The following SLC2A14 variants were observed in gnomAD, a reference collection of about 807,000 sequenced individuals.
The protein encoded by SLC2A14 is solute carrier family 2, facilitated glucose transporter member 14.
Under a neutral mutation model 43.0 loss-of-function variants are expected in SLC2A14, and 13 were observed. The ratio of observed to expected loss-of-function variants is 0.30; its 90% CI spans 0.20 to 0.48. The LOEUF (loss-of-function observed/expected upper bound fraction) is 0.48, where lower values mean the gene tolerates loss of function less well. SLC2A14 is among the 20% of genes least tolerant of loss of function. The pLI is 0.99. For missense variants in SLC2A14, 428 were observed against 620.4 expected (o/e 0.69, Z 3.29); for synonymous variants, 190 against 233.8 (o/e 0.81, Z 1.71).
At chr12:7,822,000 A>G (rs1037142729) in intron 7 of SLC2A14, among the ~76,000 whole-genome samples, 4 of 150,366 alleles carry the variant, frequency 2.7e-5, no homozygotes, top group Non-Finnish European at 4.4e-5. Context: ...AATTTTTTGT[A>G]TTTTTAGTAG....
intron 1 of SLC2A14, among the ~76,000 whole-genome samples, chr12:7,882,986 G>A (rs1459297680): frequency 2.0e-5 from 3 of 151,984 alleles, no homozygotes; most frequent in South Asian, 4.2e-4. Context: ...CAAGGTGGGC[G>A]GATCACAAGG....
intron 2 of SLC2A14, among the ~76,000 whole-genome samples, chr12:7,854,053 CCA>C (rs1867153019): frequency 6.6e-6 from 1 of 151,978 alleles, no homozygotes; most frequent in African/African-American, 2.4e-5. Context: ...CCCCTGACTT[CCA>C]GAGTCAATAT....
intron 2 of SLC2A14, 139 bp downstream of exon 2, chr12:7,869,724 G>A (rs1565577737): frequency 1.5e-5 from 8 of 545,314 alleles, no homozygotes; most frequent in Middle Eastern, 4.8e-4. Flanking sequence ...TCTGTTGGCT[G>A]TAACAGTCTC....
At chr12:7,826,861 T>TCTTTTTTC (rs1555121667) in intron 7 of SLC2A14, among the ~76,000 whole-genome samples, 25 of 60,294 alleles carry the variant, frequency 4.1e-4, no homozygotes, top group South Asian at 3.8e-3. Context: ...TTCCTTTCTT[T>TCTTTTTTC]TTTCTTTCTT....
At position 7,878,500 on chromosome 12, in the gene SLC2A14, C is replaced by T. The variant is rs536108159; in HGVS notation, c.132+12496G>A. Among the ~76,000 whole-genome samples, 63 of 151,588 alleles carry T rather than the reference C, an allele frequency of 4.2e-4. 1 individual carries two copies. In the South Asian group the frequency reaches 0.013, roughly 30 times the overall value. ...TCTTGAACTCCTAACGTCAAGAGAT[C>T]TACCCACCTAGGCCTCCCAAACCGC... On this transcript the variant is annotated intron_variant, in intron 1 of 9. Transcript: ENST00000539924.
chr12:7,881,602 C>A (rs1002070166), intron 1 of SLC2A14, among the ~76,000 whole-genome samples: 1 of 152,138 alleles, frequency 6.6e-6, no homozygotes, highest in African/African-American at 2.4e-5. Context: ...CCCCGACAAG[C>A]GCGGCCTCCT....
chr12:7,822,256 G>A (rs764740831), intron 7 of SLC2A14, among the ~76,000 whole-genome samples: 39 of 151,986 alleles, frequency 2.6e-4, no homozygotes, highest in African/African-American at 8.9e-4. Context: ...ACTGCACCTC[G>A]CCCTCCTTTC....
At chr12:7,872,342 T>A (rs1286590044) in intron 1 of SLC2A14, 1 of 152,106 alleles carries the variant, frequency 6.6e-6, no homozygotes, top group Non-Finnish European at 1.5e-5. Flanking sequence ...TGGATCATGC[T>A]CCCAAGGCTC....
rs1865774461 is a variant in SLC2A14, at chr12:7,839,829, T to A, written c.19-7015A>T. 4.4e-6 allele frequency: 2 copies of A among 449,668 alleles called. 1 individual carries two copies. The highest frequency in any genetic ancestry group is 3.1e-5 in the South Asian group (2 of 64,312). The allele number at this position is 449,668 out of a possible 1,614,324, so 27.9% of individuals were successfully genotyped here. A position where few individuals can be genotyped will look rare whatever the true frequency, so the allele number is the denominator to read the frequency against. ...TGGCTCATGCCTGTAATCTCAGCAC[T>A]TTTGGAGGTCAAGGCGGGAGGATCG... On this transcript the variant is annotated intron_variant, in intron 2 of 10. Coordinates refer to ENST00000431042, the MANE Select transcript of SLC2A14 (RefSeq NM_001286234.2).
intron 2 of SLC2A14, among the ~76,000 whole-genome samples, chr12:7,857,489 G>A (rs1190142801): frequency 6.6e-6 from 1 of 152,066 alleles, no homozygotes; most frequent in Non-Finnish European, 1.5e-5. Flanking sequence ...CTGGGAGGCT[G>A]AGGTAGGAGA....
At chr12:7,816,864 C>G (rs749532626) in intron 10 of SLC2A14, among the ~76,000 whole-genome samples, 1 of 150,536 alleles carries the variant, frequency 6.6e-6, no homozygotes, top group Admixed American at 6.6e-5. Context: ...TGTGCCACCA[C>G]GCCTGGCTAA....
At chr12:7,833,844 T>C (rs991884532) in intron 2 of SLC2A14, among the ~76,000 whole-genome samples, 6 of 151,878 alleles carry the variant, frequency 4.0e-5, no homozygotes, top group Non-Finnish European at 7.4e-5. Context: ...GTCTTCACCT[T>C]GCCTGGAATA....
intron 1 of SLC2A14, among the ~76,000 whole-genome samples, chr12:7,884,620 G>A (rs752347382): frequency 5.3e-5 from 8 of 152,204 alleles, no homozygotes; most frequent in Admixed American, 5.2e-4. Context: ...ATTGTCATAG[G>A]TGCTGGACTT....
intron 2 of SLC2A14, among the ~76,000 whole-genome samples, chr12:7,854,476 CT>C (rs1354454869): frequency 6.6e-6 from 1 of 152,034 alleles, no homozygotes; most frequent in Non-Finnish European, 1.5e-5. Flanking sequence ...CCTCTCTTTT[CT>C]TTTGTTTTTT....
intron 4 of SLC2A14, chr12:7,831,330 C>T (rs1865007344): frequency 8.5e-6 from 3 of 351,032 alleles, no homozygotes; most frequent in Admixed American, 8.2e-5. Flanking sequence ...CATAGTTGAG[C>T]TTACTAGGGA....
intron 1 of SLC2A14, among the ~76,000 whole-genome samples, chr12:7,884,596 G>A (rs1945656298): frequency 6.6e-6 from 1 of 152,046 alleles, no homozygotes; most frequent in Non-Finnish European, 1.5e-5. Context: ...AACAGCTAAG[G>A]TCGAGATAAT....
chr12:7,854,035 T>C (rs1867150953), intron 2 of SLC2A14, among the ~76,000 whole-genome samples: 1 of 152,132 alleles, frequency 6.6e-6, no homozygotes, highest in African/African-American at 2.4e-5. Context: ...TTTTCAATGA[T>C]GGCTTTCCCC....
intron 2 of SLC2A14, among the ~76,000 whole-genome samples, chr12:7,855,536 C>A (rs2889504): frequency 0.1 from 15,775 of 152,136 alleles, 877 homozygotes; most frequent in African/African-American, 0.14. Context: ...GCCATTACTA[C>A]CCCTGCAGCT....
intron 2 of SLC2A14, among the ~76,000 whole-genome samples, chr12:7,836,953 G>C (rs757967486): frequency 6.6e-6 from 1 of 151,994 alleles, no homozygotes; most frequent in Non-Finnish European, 1.5e-5. Flanking sequence ...TGGATCACAA[G>C]ATCAGGAGTT....
Sources: gnomAD v4.1 joint callset for allele counts (sites outside exome capture counted in the v4.1 genomes callset) on GRCh38, gnomAD v4.1.1 for gene constraint, MANE v1.5 for transcripts, NCBI Gene and HGNC (gene_info 2026-07-23, HGNC 2026-07-21) for gene names.